The following MAVS variants were observed in gnomAD, a reference collection of about 807,000 sequenced individuals.
MAVS encodes the protein mitochondrial antiviral-signaling protein.
MAVS carries 20 observed loss-of-function variants against 30.2 expected under a neutral mutation model. The ratio of observed to expected loss-of-function variants is 0.66; its 90% CI spans 0.47 to 0.96. MAVS has a LOEUF of 0.96. MAVS is among the 40% of genes least tolerant of loss of function. MAVS has a pLI of 0.00. For missense variants in MAVS, 624 were observed against 701.1 expected (o/e 0.89, Z 1.24); for synonymous variants, 278 against 293.9 (o/e 0.95, Z 0.55).
intron 1 of MAVS, among the ~76,000 whole-genome samples, chr20:3,852,010 C>CTTTTTTTTTTTTTTTTTTTT (rs1568531967): frequency 5.1e-5 from 2 of 39,408 alleles, no homozygotes; most frequent in African/African-American, 2.6e-4. Flanking sequence ...TTTTTTTTCC[C>CTTTTTTTTTTTTTTTTTTTT]CCGAGACGGA....
In MAVS at chr20:3,876,022, T is replaced by C. The variant is rs1428767734; in HGVS notation, c.*9875T>C. 2 of 152,312 alleles carry C rather than the reference T, an allele frequency of 1.3e-5. No individual in the cohort carries two copies. Among genetic ancestry groups the C allele is most frequent in the Non-Finnish European group, 2.9e-5 (2 of 68,030 alleles). The allele number at this position is 152,312 out of a possible 1,614,324, so 9.4% of individuals were successfully genotyped here. ...ACTGGTAATTGGTGAAAGAATTACT[T>C]TAATTTTTTTTCCTACTTGCTGTCA... On this transcript the variant is annotated 3_prime_UTR_variant, in exon 7 of 7. Coordinates refer to ENST00000428216, the MANE Select transcript of MAVS (RefSeq NM_020746.5).
intron 1 of MAVS, among the ~76,000 whole-genome samples, chr20:3,851,497 C>CT (rs1944679740): frequency 9.2e-6 from 1 of 108,186 alleles, no homozygotes; most frequent in African/African-American, 4.1e-5. Context: ...CAGGGAGACT[C>CT]TGTCTCAAAA....
At position 3,862,330 on chromosome 20, in the gene MAVS, C is replaced by G; in HGVS notation, c.542C>G (p.Ser181Cys). 6.2e-7 allele frequency: 1 copy of G among 1,614,128 alleles called. No individual in the cohort carries two copies. The highest frequency in any genetic ancestry group is 1.3e-5 in the African/African-American group (1 of 75,064). ...RNPDGGPLES[S>C]SDLAALSPLT... ...CCAGATGGTGGCCCCCTGGAGTCCT[C>G]CTCTGACCTGGCAGCCCTCAGCCCT... Residue 181 changes from serine (S) to cysteine (C), a missense_variant, in exon 5 of 7, where the codon TCC becomes TGC. Coordinates refer to ENST00000428216, the MANE Select transcript of MAVS (RefSeq NM_020746.5).
At chr20:3,857,581 G>A in intron 2 of MAVS, 54 bp from the exon 3 acceptor site, 1 of 1,557,736 alleles carries the variant, frequency 6.4e-7, no homozygotes, top group Non-Finnish European at 8.7e-7. Context: ...TTCTGGGTGG[G>A]GAAGTGGCAG....
chr20:3,862,089 T>C (rs140964277), intron 4 of MAVS, among the ~76,000 whole-genome samples, 165 bp from the exon 5 acceptor site: 1 of 152,130 alleles, frequency 6.6e-6, no homozygotes. Context: ...AGGACACCTG[T>C]GGACAGAGGG....
At chr20:3,859,081 C>T (rs528742068) in intron 3 of MAVS, among the ~76,000 whole-genome samples, 159 of 152,170 alleles carry the variant, frequency 1.0e-3, no homozygotes, top group Non-Finnish European at 1.9e-3. Flanking sequence ...TGAGCCACCG[C>T]GTCTGGCTCT....
intron 1 of MAVS, among the ~76,000 whole-genome samples, chr20:3,849,424 CA>C (rs762572031): frequency 3.0e-4 from 46 of 152,208 alleles, no homozygotes; most frequent in Admixed American, 8.5e-4. Context: ...AGGCTGGTCT[CA>C]ACCTCCTGAG....
In MAVS at chr20:3,864,490, C is replaced by T; in HGVS notation, c.860C>T (p.Ala287Val). 1 of 1,614,072 alleles carries T rather than the reference C, an allele frequency of 6.2e-7. No individual in the cohort carries two copies. The highest frequency in any genetic ancestry group is 8.5e-7 in the Non-Finnish European group (1 of 1,180,028). The change falls in exon 6 of 7, where the codon GCA (alanine) becomes GTA (valine). Residue 287 changes from alanine to valine, a missense_variant. By Grantham distance (64) the Ala-to-Val change is moderately conservative. Coordinates refer to ENST00000428216, the MANE Select transcript of MAVS (RefSeq NM_020746.5). ...GAGCCTATCATCTGCTCCAGTGGGG[C>T]AGAGGCACCTGCCAACTCTCTGCCC... Reference protein sequence around the residue: ...QAEPIICSSGAEAPANSLPSK... With the variant: ...QAEPIICSSGVEAPANSLPSK...
chr20:3,847,335 CA>C (rs1242072514), intron 1 of MAVS, among the ~76,000 whole-genome samples: 1 of 152,152 alleles, frequency 6.6e-6, no homozygotes, highest in Non-Finnish European at 1.5e-5. Flanking sequence ...GACACCAGCT[CA>C]AAACGGCCTC....
chr20:3,865,833 G>A lies in MAVS; in HGVS notation c.1309G>A (p.Glu437Lys), dbSNP rs760496524. ...AGACAGCCCGTTCTCGGGCTGCTTCGAGGATCTTGCCATCAGTGCCAGCAC... is the reference window on the plus strand; with the variant it reads ...AGACAGCCCGTTCTCGGGCTGCTTCAAGGATCTTGCCATCAGTGCCAGCAC... ...QVDSPFSGCF[E>K]DLAISASTSL... Residue 437 changes from glutamate to lysine, a missense_variant, in exon 7 of 7, where the codon GAG becomes AAG. Physicochemically the swap from Glu to Lys is moderately conservative, Grantham distance 56. Transcript: ENST00000428216. This position sits in a 1 kb window ranked among gnomAD's most constrained non-coding sequence, Gnocchi z 4.7. The A allele has an allele frequency of 3.7e-6, 6 of 1,614,026 alleles. No homozygotes were observed. The highest frequency in any genetic ancestry group is 1.1e-5 in the South Asian group (1 of 91,086).
intron 2 of MAVS, among the ~76,000 whole-genome samples, chr20:3,857,078 T>TGTC (rs2146764574): frequency 6.6e-6 from 1 of 150,738 alleles, no homozygotes; most frequent in East Asian, 2.0e-4. Context: ...CTGCAGCCAC[T>TGTC]GTCATCTGCC....
In MAVS at chr20:3,873,949, T is replaced by C; in HGVS notation, c.*7802T>C. On this transcript the variant is annotated 3_prime_UTR_variant, in exon 7 of 7. Coordinates refer to ENST00000428216, the MANE Select transcript of MAVS (RefSeq NM_020746.5). ...CAGAAAGCTATGTCCACCGAGACAT[T>C]GGCAAGAATGTTTCTAACCACACGC... 2.5e-6 allele frequency: 1 copy of C among 394,420 alleles called. No individual in the cohort carries two copies. Among genetic ancestry groups the C allele is most frequent in the Middle Eastern group, 6.3e-4 (1 of 1,578 alleles). The allele number at this position is 394,420 out of a possible 1,614,324, so 24.4% of individuals were successfully genotyped here.
rs748455983 is a variant in MAVS, at chr20:3,864,771, G to A, written c.1141G>A (p.Gly381Arg). 3.2e-5 allele frequency: 52 copies of A among 1,613,804 alleles called. 2 individuals carry two copies. Among genetic ancestry groups the A allele is most frequent in the East Asian group, 1.6e-4 (7 of 44,880 alleles). ...KVSASTVPTD[G>R]SSRNEETPAA... Reference sequence around the variant, plus strand: ...GTCTGCCAGCACAGTCCCCACTGACGGGAGCAGCAGAAATGAGGTGAGTCC... The same window carrying A: ...GTCTGCCAGCACAGTCCCCACTGACAGGAGCAGCAGAAATGAGGTGAGTCC... The change falls in exon 6 of 7, where the codon GGG becomes AGG. Residue 381 changes from glycine (G) to arginine (R), a missense_variant. Transcript: ENST00000428216.
At chr20:3,849,430 C>T (rs1568530916) in intron 1 of MAVS, among the ~76,000 whole-genome samples, 1 of 152,158 alleles carries the variant, frequency 6.6e-6, no homozygotes, top group Non-Finnish European at 1.5e-5. Flanking sequence ...GTCTCAACCT[C>T]CTGAGCTCAG....
chr20:3,866,121 G>T lies in MAVS; in HGVS notation c.1597G>T (p.Val533Leu), dbSNP rs763515809. The T allele has an allele frequency of 6.2e-7, 1 of 1,600,142 alleles. No homozygotes were observed. The change falls in exon 7 of 7, where the codon GTG (valine) becomes TTG (leucine). Residue 533 changes from valine to leucine, a missense_variant. Val to Leu is a conservative substitution (Grantham distance 32). Coordinates refer to ENST00000428216, the MANE Select transcript of MAVS (RefSeq NM_020746.5). The stretch of plus-strand genomic sequence containing the variant: ...GGTGCTGGTAGTCACACTCCTGGTG[G>T]TGCTGTACCGGCGGCGTCTGCACTA... ...TGVLVVTLLVVLYRRRLH is the reference protein window; with the variant it reads ...TGVLVVTLLVLLYRRRLH
chr20:3,854,718 CCCTG>C lies in MAVS; in HGVS notation c.98_101del (p.Cys33SerfsTer43), dbSNP rs1374661913. On this transcript the variant is annotated frameshift_variant, in exon 2 of 7. Coordinates refer to ENST00000428216, the MANE Select transcript of MAVS (RefSeq NM_020746.5). LOFTEE classifies it high-confidence loss of function. ...TGTTGTAGAGATTCTGCCTTACCTG[CCCTG>C]CCTCACAGCAAGAGACCAGGTGAGC... is the stretch of plus-strand genomic sequence containing the variant. 1 of 1,613,340 alleles carries C rather than the reference CCCTG, an allele frequency of 6.2e-7. No homozygotes were observed. Among genetic ancestry groups the C allele is most frequent in the African/African-American group, 1.3e-5 (1 of 74,872 alleles).
rs1434341841 is a variant in MAVS, at chr20:3,874,930, AG to A, written c.*8786del. The A allele has an allele frequency of 1.3e-5, 2 of 152,358 alleles. No individual in the cohort carries two copies. Among genetic ancestry groups the A allele is most frequent in the Non-Finnish European group, 2.9e-5 (2 of 68,066 alleles). 9.4% of individuals were successfully genotyped at this position (152,358 alleles called of 1,614,324 possible). A position where few individuals can be genotyped will look rare whatever the true frequency, so the allele number is the denominator to read the frequency against. On this transcript the variant is annotated 3_prime_UTR_variant, in exon 7 of 7. Transcript: ENST00000428216. ...CTAGGGTCAGTGGCGCCTGCCTGTG[AG>A]GGTGAGCCCAATGGCTAGAGGGCTC... is the stretch of plus-strand genomic sequence containing the variant.
intron 1 of MAVS, among the ~76,000 whole-genome samples, chr20:3,848,768 T>C (rs2089732526): frequency 1.3e-5 from 2 of 152,222 alleles, no homozygotes; most frequent in Admixed American, 6.5e-5. Flanking sequence ...TGTTCCGAAC[T>C]GAGTTCTGGA....
chr20:3,872,128 A>T lies in MAVS; in HGVS notation c.*5981A>T, dbSNP rs947541756. 1.3e-5 allele frequency: 2 copies of T among 152,196 alleles called. No homozygotes were observed. The highest frequency in any genetic ancestry group is 6.6e-5 in the Admixed American group (1 of 15,244). The allele number at this position is 152,196 out of a possible 1,614,324, so 9.4% of individuals were successfully genotyped here. Reference sequence around the variant, plus strand: ...GAACCACAGCTTATCACATGTCTGGAGTTAGGGACCCCACTTAAAGTGAGA... The same window carrying T: ...GAACCACAGCTTATCACATGTCTGGTGTTAGGGACCCCACTTAAAGTGAGA... On this transcript the variant is annotated 3_prime_UTR_variant, in exon 7 of 7. Coordinates refer to ENST00000428216, the MANE Select transcript of MAVS (RefSeq NM_020746.5).
Sources: allele counts gnomAD v4.1 joint callset (sites outside exome capture counted in the v4.1 genomes callset), GRCh38; gene constraint gnomAD v4.1.1; non-coding constraint Gnocchi (gnomAD v3.1); transcripts MANE v1.5; gene names NCBI Gene and HGNC (gene_info 2026-07-23, HGNC 2026-07-21).